Variants in AFF2 observed in about 807,000 individuals in gnomAD.
AFF2 encodes ALF transcription elongation factor 2.
Under a neutral mutation model 76.9 loss-of-function variants are expected in AFF2, and 14 were observed. The observed-to-expected ratio is 0.18, with a 90% CI of 0.12 to 0.28. The LOEUF is 0.28. AFF2 is among the 10% of genes least tolerant of loss of function. The probability of loss-of-function intolerance (pLI) is 1.00; values close to 1 mark genes in which losing one functional copy is unlikely to be tolerated. For synonymous variants in AFF2, 398 were observed against 366.7 expected (o/e 1.09, Z -0.98); for missense variants, 868 against 1,001.1 (o/e 0.87, Z 1.79).
At chrX:148,602,042 G>A (rs1411662517) in intron 1 of AFF2, among the ~76,000 whole-genome samples, 2 of 111,916 alleles carry the variant, frequency 1.8e-5, no homozygotes, top group African/African-American at 6.5e-5. Flanking sequence ...AGGATGCATG[G>A]GGTAAAGTGA....
chrX:148,991,105 C>CATTT, intron 20 of AFF2, 106 bp from the exon 21 acceptor site: 1 of 856,503 alleles, frequency 1.2e-6, no homozygotes. Flanking sequence ...AATCACATTT[C>CATTT]CATTGTCCAT....
rs190310809 is a variant in AFF2 at position 148,676,300 on chromosome X, C to G, written c.1041+13532C>G. ...TGACCTCGTGATCCACCCGCCTCGG[C>G]CTCCCAAAGTGCTGGGATTACAGGC... On this transcript the variant is annotated intron_variant, in intron 3 of 20. Transcript: ENST00000370460. Among the ~76,000 whole-genome samples, 8 of 111,485 alleles carry G rather than the reference C, an allele frequency of 7.2e-5. No homozygotes were observed. In the East Asian group the frequency reaches 2.3e-3, roughly 32 times the overall value.
intron 11 of AFF2, 56 bp from the exon 12 acceptor site, chrX:148,958,281 G>A: frequency 3.4e-6 from 4 of 1,187,475 alleles, no homozygotes; most frequent in Non-Finnish European, 4.5e-6. Context: ...ATAAAATATG[G>A]ATGTCTGAAT....
chrX:148,685,022 T>C (rs2054587392), intron 3 of AFF2, among the ~76,000 whole-genome samples: 1 of 112,447 alleles, frequency 8.9e-6, no homozygotes, highest in Admixed American at 9.4e-5. Flanking sequence ...GCAATGCTTT[T>C]TGATCTAAGT....
intron 9 of AFF2, among the ~76,000 whole-genome samples, chrX:148,946,261 G>A (rs73614031): frequency 0.014 from 1,606 of 112,082 alleles, 27 homozygotes; most frequent in African/African-American, 0.049. Flanking sequence ...ATCTACTAGC[G>A]TCTTTTTACT....
chrX:148,674,314 G>T (rs782582609), intron 3 of AFF2, among the ~76,000 whole-genome samples: 102 of 112,347 alleles, frequency 9.1e-4, no homozygotes, highest in Non-Finnish European at 1.3e-3. Flanking sequence ...TTAGTTTGCT[G>T]ACCCCTGGGC....
In AFF2 at chrX:148,868,112, C is replaced by T. The variant is rs182943797; in HGVS notation, c.1263-17777C>T. 5.4e-5 allele frequency among the ~76,000 whole-genome samples: 6 copies of T among 111,705 alleles called. No homozygotes were observed. The East Asian group carries it at 1.1e-3, about 21-fold the overall frequency. ...AGTCCCAAGCAGCCCTACCAGGTTT[C>T]TCTTACCTCCTCACCATGGATGCCT... On this transcript the variant is annotated intron_variant, in intron 7 of 20. Coordinates refer to ENST00000370460, the MANE Select transcript of AFF2 (RefSeq NM_002025.4).
At chrX:148,761,469 T>G (rs1418701398) in intron 3 of AFF2, among the ~76,000 whole-genome samples, 1 of 102,874 alleles carries the variant, frequency 9.7e-6, no homozygotes. Flanking sequence ...TTTTTTTTGT[T>G]TTTTTTTTTT....
At chrX:148,622,313 G>C (rs782379282) in intron 1 of AFF2, among the ~76,000 whole-genome samples, 2 of 111,720 alleles carry the variant, frequency 1.8e-5, no homozygotes, top group Non-Finnish European at 3.8e-5. Flanking sequence ...CAAAATTGTG[G>C]GAGTTGGCAC....
intron 3 of AFF2, among the ~76,000 whole-genome samples, chrX:148,717,108 C>T (rs782673095): frequency 2.1e-4 from 23 of 111,805 alleles, no homozygotes; most frequent in South Asian, 1.5e-3. Flanking sequence ...AAAAATGGCA[C>T]GCAGATGTTC....
intron 7 of AFF2, among the ~76,000 whole-genome samples, chrX:148,866,106 T>C (rs782158132): frequency 1.2e-3 from 138 of 111,681 alleles, no homozygotes; most frequent in Non-Finnish European, 1.9e-3. Flanking sequence ...CCATAGCTGT[T>C]CTTTCCAGGA....
At chrX:148,767,002 G>A (rs2052079146) in intron 3 of AFF2, among the ~76,000 whole-genome samples, 1 of 110,933 alleles carries the variant, frequency 9.0e-6, no homozygotes, top group Non-Finnish European at 1.9e-5. Context: ...TGGGGTAAAG[G>A]GCAAAGGAGA....
chrX:148,736,065 C>T (rs1226190376), intron 3 of AFF2, among the ~76,000 whole-genome samples: 1 of 112,036 alleles, frequency 8.9e-6, no homozygotes, highest in Non-Finnish European at 1.9e-5. Flanking sequence ...GTAAATTGTG[C>T]TGCTATTAAC....
intron 1 of AFF2, among the ~76,000 whole-genome samples, chrX:148,576,716 T>C (rs1403673039): frequency 9.0e-6 from 1 of 111,194 alleles, no homozygotes; most frequent in East Asian, 2.8e-4. Flanking sequence ...AAAAGGTGGC[T>C]ACCCACCAAA....
At chrX:148,866,998 A>G (rs1443279091) in intron 7 of AFF2, among the ~76,000 whole-genome samples, 1 of 112,244 alleles carries the variant, frequency 8.9e-6, no homozygotes, top group Non-Finnish European at 1.9e-5. Flanking sequence ...GGTAGAAATC[A>G]TGTGTGGGAA....
chrX:148,743,163 A>G (rs1021435393), intron 3 of AFF2, among the ~76,000 whole-genome samples: 12 of 111,890 alleles, frequency 1.1e-4, no homozygotes, highest in African/African-American at 3.9e-4. Flanking sequence ...TTTTTGTGAT[A>G]CTATTTTCTC....
intron 8 of AFF2, among the ~76,000 whole-genome samples, chrX:148,892,261 G>A (rs1278502563): frequency 9.0e-6 from 1 of 111,641 alleles, no homozygotes; most frequent in African/African-American, 3.3e-5. Flanking sequence ...TAGCAGAGTC[G>A]CACCTTAAGC....
At chrX:148,666,862 C>T (rs1438678137) in intron 3 of AFF2, among the ~76,000 whole-genome samples, 1 of 111,694 alleles carries the variant, frequency 9.0e-6, no homozygotes, top group Non-Finnish European at 1.9e-5. Context: ...AATTTTTGTT[C>T]ATTTTTACCT....
At position 148,622,363 on chromosome X, in the gene AFF2, G is replaced by T. The variant is rs1029583007; in HGVS notation, c.48-29636G>T. 8.0e-5 allele frequency among the ~76,000 whole-genome samples: 9 copies of T among 112,002 alleles called. No homozygotes were observed. The Admixed American group carries it at 8.5e-4, about 11-fold the overall frequency. ...GGGAAGCCAAGAGGCTGGAAATTCA[G>T]GTAAGAGTTGATGTTGCAGTCCGGA... is the stretch of plus-strand genomic sequence containing the variant. On this transcript the variant is annotated intron_variant, in intron 1 of 20. Coordinates refer to ENST00000370460, the MANE Select transcript of AFF2 (RefSeq NM_002025.4).
Sources: allele counts gnomAD v4.1 joint callset (sites outside exome capture counted in the v4.1 genomes callset), GRCh38; gene constraint gnomAD v4.1.1; transcripts MANE v1.5; gene names NCBI Gene and HGNC (gene_info 2026-07-23, HGNC 2026-07-21).